NAPG: variants seen among roughly 807,000 people sequenced by gnomAD.
NAPG encodes the protein gamma-soluble NSF attachment protein.
A neutral mutation model predicts 48.4 loss-of-function variants in NAPG; 25 were observed. The observed-to-expected ratio is 0.52, with a 90% CI of 0.38 to 0.72. NAPG has a LOEUF of 0.72. Ranked by LOEUF, NAPG falls within the 30% of genes least tolerant of loss-of-function variation. NAPG has a pLI of 0.00. For missense variants in NAPG, 359 were observed against 372.5 expected (o/e 0.96, Z 0.30); for synonymous variants, 139 against 127.2 (o/e 1.09, Z -0.62).
intron 5 of NAPG, among the ~76,000 whole-genome samples, chr18:10,536,493 T>C (rs1417104931): frequency 6.6e-6 from 1 of 152,246 alleles, no homozygotes; most frequent in African/African-American, 2.4e-5. Context: ...TGTGATTTCA[T>C]ATCCTGTTTG....
chr18:10,533,414 G>T, intron 3 of NAPG, 122 bp from the exon 4 acceptor site: 2 of 731,210 alleles, frequency 2.7e-6, no homozygotes. Flanking sequence ...CCTGTTTGTA[G>T]GATTTGTCTT....
In NAPG at chr18:10,549,001, G is replaced by A. The variant is rs371394768; in HGVS notation, c.700G>A (p.Ala234Thr). Residue 234 changes from alanine to threonine, a missense_variant, in exon 11 of 12, where the codon GCC becomes ACC. By Grantham distance (58) the Ala-to-Thr change is moderately conservative. Coordinates refer to ENST00000322897, the MANE Select transcript of NAPG (RefSeq NM_003826.3). ...PGFNGSEDCA[A>T]LEQLLEGYDQ... is the part of the protein sequence containing the mutation. ...GTTCAATGGCAGTGAAGACTGTGCT[G>A]CCCTGGAACAGCTTCTTGAAGGTTA... is the stretch of plus-strand genomic sequence containing the variant. The A allele has an allele frequency of 6.2e-7, 1 of 1,613,894 alleles. No homozygotes were observed. The highest frequency in any genetic ancestry group is 8.5e-7 in the Non-Finnish European group (1 of 1,179,806).
At position 10,539,619 on chromosome 18, in the gene NAPG, T is replaced by C. The variant is rs2032105076; in HGVS notation, c.259-143T>C. Reference sequence around the variant, plus strand: ...AGGTATAGCAAACCACCATGGGACATGTATACCTATGTAACAAACCTGCAC... The same window carrying C: ...AGGTATAGCAAACCACCATGGGACACGTATACCTATGTAACAAACCTGCAC... On this transcript the variant is annotated intron_variant, in intron 5 of 11. Coordinates refer to ENST00000322897, the MANE Select transcript of NAPG (RefSeq NM_003826.3). The surrounding 1 kb of genome is among the most constrained non-coding windows in gnomAD (Gnocchi z 4.7). The C allele has an allele frequency of 1.5e-6, 1 of 674,326 alleles. No homozygotes were observed. The highest frequency in any genetic ancestry group is 2.6e-6 in the Non-Finnish European group (1 of 387,042). The allele number at this position is 674,326 out of a possible 1,614,324, so 41.8% of individuals were successfully genotyped here.
Position 10,551,593 on chromosome 18 carries a change from GTA to G in NAPG, c.*1374_*1375del, listed in dbSNP as rs1409651227. On this transcript the variant is annotated 3_prime_UTR_variant, in exon 12 of 12. Coordinates refer to ENST00000322897, the MANE Select transcript of NAPG (RefSeq NM_003826.3). ...GACACCAGCAGTGTGCGTTCTGCAG[GTA>G]CACGCTGCCAAAGTAATTCCTGCTC... 2 of 152,164 alleles carry G rather than the reference GTA, an allele frequency of 1.3e-5. No homozygotes were observed. Among genetic ancestry groups the G allele is most frequent in the Non-Finnish European group, 2.9e-5 (2 of 68,036 alleles). The allele number at this position is 152,164 out of a possible 1,614,324, so 9.4% of individuals were successfully genotyped here.
Position 10,540,028 on chromosome 18 carries a change from T to A in NAPG, c.409T>A (p.Tyr137Asn). ...TGATCCAGAGAAGGCTGTACAGTTATATCAACAGACAGCTAATGTGTTTGA... is the reference window on the plus strand; with the variant it reads ...TGATCCAGAGAAGGCTGTACAGTTAAATCAACAGACAGCTAATGTGTTTGA... Reference protein sequence around the residue: ...NVDPEKAVQLYQQTANVFENE... With the variant: ...NVDPEKAVQLNQQTANVFENE... Residue 137 changes from tyrosine to asparagine, a missense_variant, in exon 7 of 12, where the codon TAT becomes AAT. Physicochemically the swap from Tyr to Asn is moderately radical, Grantham distance 143. Coordinates refer to ENST00000322897, the MANE Select transcript of NAPG (RefSeq NM_003826.3). 6.3e-7 allele frequency: 1 copy of A among 1,592,660 alleles called. No individual in the cohort carries two copies. Among genetic ancestry groups the A allele is most frequent in the Non-Finnish European group, 8.6e-7 (1 of 1,168,468 alleles).
intron 5 of NAPG, among the ~76,000 whole-genome samples, chr18:10,535,122 A>T (rs518605): frequency 0.56 from 84,949 of 152,070 alleles, 25,095 homozygotes; most frequent in African/African-American, 0.76. Context: ...TTTCTTTTTT[A>T]AAAATGTTTT....
intron 1 of NAPG, among the ~76,000 whole-genome samples, chr18:10,526,982 G>A (rs761076150): frequency 2.6e-5 from 4 of 151,928 alleles, no homozygotes; most frequent in Non-Finnish European, 5.9e-5. Context: ...AAGGTCAGAA[G>A]ATCCAGACCA....
At chr18:10,549,214 A>G (rs1401580602) in intron 11 of NAPG, 118 bp downstream of exon 11, 2 of 1,183,274 alleles carry the variant, frequency 1.7e-6, no homozygotes, top group South Asian at 1.6e-5. Flanking sequence ...TTTTCTTCTC[A>G]AGCTACTACT....
chr18:10,542,542 T>C lies in NAPG; in HGVS notation c.506+2143T>C, dbSNP rs945207077. On this transcript the variant is annotated intron_variant, in intron 8 of 11. Coordinates refer to ENST00000322897, the MANE Select transcript of NAPG (RefSeq NM_003826.3). This position sits in a 1 kb window ranked among gnomAD's most constrained non-coding sequence, Gnocchi z 4.5. ...GTGATAATTGAAAATATTAACTATGTGCTTAGATTATTATTTGATTGCATC... is the reference window on the plus strand; with the variant it reads ...GTGATAATTGAAAATATTAACTATGCGCTTAGATTATTATTTGATTGCATC... 2.0e-5 allele frequency among the ~76,000 whole-genome samples: 3 copies of C among 152,216 alleles called. No individual in the cohort carries two copies. Among genetic ancestry groups the C allele is most frequent in the Admixed American group, 6.5e-5 (1 of 15,278 alleles).
rs2032413457 is a variant in NAPG, at chr18:10,552,242, A to G, written c.*2022A>G. 1 of 152,242 alleles carries G rather than the reference A, an allele frequency of 6.6e-6. No individual in the cohort carries two copies. Among genetic ancestry groups the G allele is most frequent in the African/African-American group, 2.4e-5 (1 of 41,468 alleles). 9.4% of individuals were successfully genotyped at this position (152,242 alleles called of 1,614,324 possible). A position where few individuals can be genotyped will look rare whatever the true frequency, so the allele number is the denominator to read the frequency against. On this transcript the variant is annotated 3_prime_UTR_variant, in exon 12 of 12. Transcript: ENST00000322897. ...TGCATTCTGTAGCAGCAGCGCAGCTATGCTTTAAACCACACAAAAGGCTGT... is the reference window on the plus strand; with the variant it reads ...TGCATTCTGTAGCAGCAGCGCAGCTGTGCTTTAAACCACACAAAAGGCTGT...
chr18:10,539,848 C>T lies in NAPG; in HGVS notation c.345C>T (p.Ala115=). Residue 115 remains alanine (A), a synonymous_variant, in exon 6 of 12, where the codon GCC becomes GCT. Coordinates refer to ENST00000322897, the MANE Select transcript of NAPG (RefSeq NM_003826.3). This position sits in a 1 kb window ranked among gnomAD's most constrained non-coding sequence, Gnocchi z 4.7. The part of the protein sequence containing the change: ...YLENGTPDTA[A]MALERAGKLI... ...AAAACGGCACCCCAGACACAGCAGC[C>T]ATGGCTTTGGAGCGAGCTGGAAAGT... 10 of 1,613,956 alleles carry T rather than the reference C, an allele frequency of 6.2e-6. No homozygotes were observed. The highest frequency in any genetic ancestry group is 8.5e-6 in the Non-Finnish European group (10 of 1,179,884).
At chr18:10,540,773 C>T (rs2032139236) in intron 8 of NAPG, 1 of 162,596 alleles carries the variant, frequency 6.2e-6, no homozygotes, top group African/African-American at 2.4e-5. Flanking sequence ...CCCATGAAAA[C>T]TGACAGGTTC....
chr18:10,526,455 C>A, intron 1 of NAPG: 1 of 411,026 alleles, frequency 2.4e-6, no homozygotes, highest in Non-Finnish European at 4.4e-6. Flanking sequence ...TCTACTTGGG[C>A]GCTCTGCTCC....
In NAPG at chr18:10,534,517, A is replaced by G. The variant is rs779377977; in HGVS notation, c.258+21A>G. On this transcript the variant is annotated intron_variant, in intron 5 of 11. Coordinates refer to ENST00000322897, the MANE Select transcript of NAPG (RefSeq NM_003826.3). This position sits in a 1 kb window ranked among gnomAD's most constrained non-coding sequence, Gnocchi z 5.0. ...TGAAGGTCAGTAATGTTATGTCACAATTGTTGTGTAGGTAAAATGAATTAA... is the reference window on the plus strand; with the variant it reads ...TGAAGGTCAGTAATGTTATGTCACAGTTGTTGTGTAGGTAAAATGAATTAA... 7 of 1,611,138 alleles carry G rather than the reference A, an allele frequency of 4.3e-6. No individual in the cohort carries two copies. The East Asian group carries it at 8.9e-5, about 21-fold the overall frequency.
chr18:10,546,488 A>G lies in NAPG; in HGVS notation c.585+84A>G. ...GAATAAGTACTTAAGAAAGGATTCT[A>G]TGGGTATTTCTATGTTTTTGTAAAA... On this transcript the variant is annotated intron_variant, in intron 9 of 11. Transcript: ENST00000322897. This position sits in a 1 kb window ranked among gnomAD's most constrained non-coding sequence, Gnocchi z 4.0. The G allele has an allele frequency of 5.3e-6, 4 of 749,338 alleles. No homozygotes were observed. The highest frequency in any genetic ancestry group is 6.2e-6 in the Non-Finnish European group (3 of 483,240). 46.4% of individuals were successfully genotyped at this position (749,338 alleles called of 1,614,324 possible).
chr18:10,532,044 C>T (rs2031937762), intron 2 of NAPG, among the ~76,000 whole-genome samples: 1 of 152,044 alleles, frequency 6.6e-6, no homozygotes, highest in Admixed American at 6.6e-5. Flanking sequence ...ATGCTTTTTG[C>T]TTCTTTGTAA....
At chr18:10,540,569 A>G (rs2032134478) in intron 8 of NAPG, 170 bp downstream of exon 8, 2 of 481,416 alleles carry the variant, frequency 4.2e-6, no homozygotes, top group East Asian at 3.2e-5. Flanking sequence ...ACTGAATTAG[A>G]TATTAAAAGA....
intron 11 of NAPG, 108 bp downstream of exon 11, chr18:10,549,204 T>G: frequency 7.5e-7 from 1 of 1,329,292 alleles, no homozygotes; most frequent in South Asian, 1.5e-5. Context: ...CTACCTCTTT[T>G]TTTCTTCTCA....
intron 7 of NAPG, 126 bp from the exon 8 acceptor site, chr18:10,540,203 T>A: frequency 9.5e-7 from 1 of 1,055,102 alleles, no homozygotes; most frequent in Admixed American, 2.4e-5. Context: ...AGTAGTGAAA[T>A]GAACTAGCAG....
Sources: gnomAD v4.1 joint callset for allele counts (sites outside exome capture counted in the v4.1 genomes callset) on GRCh38, gnomAD v4.1.1 for gene constraint, Gnocchi (gnomAD v3.1) non-coding constraint, MANE v1.5 for transcripts, NCBI Gene and HGNC (gene_info 2026-07-23, HGNC 2026-07-21) for gene names.